The following ADGRE2 variants were observed in gnomAD, a reference collection of about 807,000 sequenced individuals.
ADGRE2 encodes adhesion G protein-coupled receptor E2.
In ADGRE2, 83 loss-of-function variants were observed where a neutral mutation model predicts 100.8. That is an observed-to-expected ratio of 0.82 (90% confidence interval 0.69 to 0.99). The LOEUF (loss-of-function observed/expected upper bound fraction) is 0.99. Ranked by LOEUF, ADGRE2 falls within the 50% of genes least tolerant of loss-of-function variation. ADGRE2 has a pLI of 0.00. For synonymous variants in ADGRE2, 355 were observed against 413.0 expected, an observed-to-expected ratio of 0.86 and a Z score of 1.70; for missense variants, 814 against 1,035.7, an observed-to-expected ratio of 0.79 and a Z score of 2.94.
chr19:14,772,165 C>G (rs1324972299), intron 5 of ADGRE2, 177 bp downstream of exon 5: 5 of 873,706 alleles, frequency 5.7e-6, no homozygotes, highest in Non-Finnish European at 8.7e-6. Context: ...TTCCCTTGGC[C>G]TTCACACCAC....
At chr19:14,766,713 CCTT>C (rs76284928) in intron 6 of ADGRE2, among the ~76,000 whole-genome samples, 6,146 of 152,330 alleles carry the variant, frequency 0.04, 168 homozygotes, top group Middle Eastern at 0.075. Context: ...GGAAGTGACA[CCTT>C]CTTCCACTCG....
downstream of ADGRE2, chr19:14,731,745 T>G (rs1323295579): frequency 6.6e-6 from 1 of 152,418 alleles, no homozygotes; most frequent in Non-Finnish European, 1.5e-5. Context: ...TGTTTATCTT[T>G]GGGTTTCTTA....
intron 2 of ADGRE2, among the ~76,000 whole-genome samples, chr19:14,774,739 T>C (rs1333709411): frequency 6.8e-6 from 1 of 147,800 alleles, no homozygotes; most frequent in African/African-American, 2.5e-5. Flanking sequence ...AATGGTGCGA[T>C]CTCGGCTAAT....
intron 2 of ADGRE2, among the ~76,000 whole-genome samples, chr19:14,775,633 C>A (rs1316239790): frequency 6.6e-6 from 1 of 151,828 alleles, no homozygotes; most frequent in Non-Finnish European, 1.5e-5. Flanking sequence ...CCAAGGTGGG[C>A]AGATCATCTG....
intron 18 of ADGRE2, 54 bp from the exon 19 acceptor site, chr19:14,743,838 G>C (rs10221519): frequency 6.4e-7 from 1 of 1,559,798 alleles, no homozygotes; most frequent in Non-Finnish European, 8.8e-7. Flanking sequence ...GAGAATCAAG[G>C]CTATTTCATC....
Position 14,743,540 on chromosome 19 carries a change from C to A in ADGRE2, c.2353-10G>T. On this transcript the variant is annotated splice_polypyrimidine_tract_variant and intron_variant, in intron 19 of 20. Coordinates refer to ENST00000315576, the MANE Select transcript of ADGRE2 (RefSeq NM_013447.4). ...CATATTGCTCCCGGACCTGCAGAGG[C>A]AAAGTGTGTACTGGGTCAGCTCACA... 2 of 1,613,884 alleles carry A rather than the reference C, an allele frequency of 1.2e-6. No homozygotes were observed.
rs2042728831 is a variant in ADGRE2 at position 14,735,371 on chromosome 19, A to G, written c.*865T>C. On this transcript the variant is annotated 3_prime_UTR_variant, in exon 21 of 21. Coordinates refer to ENST00000315576, the MANE Select transcript of ADGRE2 (RefSeq NM_013447.4). Reference sequence around the variant, plus strand: ...TCCCAAAGTGCTAGGATTACAGGGCATGAACTGTGCCATACCCATCTTCGA... The same window carrying G: ...TCCCAAAGTGCTAGGATTACAGGGCGTGAACTGTGCCATACCCATCTTCGA... 2 of 152,110 alleles carry G rather than the reference A, an allele frequency of 1.3e-5. No individual in the cohort carries two copies. Among genetic ancestry groups the G allele is most frequent in the African/African-American group, 4.8e-5 (2 of 41,404 alleles). 9.4% of individuals were successfully genotyped at this position (152,110 alleles called of 1,614,324 possible). A position where few individuals can be genotyped will look rare whatever the true frequency, so the allele number is the denominator to read the frequency against.
chr19:14,747,096 T>C (rs2043117944), intron 16 of ADGRE2, 134 bp from the exon 17 acceptor site: 5 of 798,466 alleles, frequency 6.3e-6, no homozygotes, highest in Non-Finnish European at 1.0e-5. Context: ...TCTTTAGTGA[T>C]AGGGTCTGTG....
intron 16 of ADGRE2, 71 bp downstream of exon 16, chr19:14,751,365 A>G: frequency 2.6e-6 from 3 of 1,166,766 alleles, no homozygotes; most frequent in Non-Finnish European, 3.8e-6. Context: ...TGTCATAAAA[A>G]TGCTATCTAG....
Position 14,751,466 on chromosome 19 carries a change from G to A in ADGRE2, c.1994C>T (p.Ser665Phe), listed in dbSNP as rs3752187. 0.011 allele frequency: 17,463 copies of A among 1,614,068 alleles called. 245 individuals are homozygous for A. The highest frequency in any genetic ancestry group is 0.065 in the East Asian group (2,898 of 44,886). ...AGGTGTTCCATAAAGGTGAGGCCTGGAGGCTGCAGAAATGGCCACTGTCAC... is the reference window on the plus strand; with the variant it reads ...AGGTGTTCCATAAAGGTGAGGCCTGAAGGCTGCAGAAATGGCCACTGTCAC... ...PAVTVAISAA[S>F]RPHLYGTPSR... is the part of the protein sequence containing the mutation. The change falls in exon 16 of 21, where the codon TCC (serine) becomes TTC (phenylalanine). Residue 665 changes from serine (S) to phenylalanine (F), a missense_variant. By Grantham distance (155) the Ser-to-Phe change is radical. Coordinates refer to ENST00000315576, the MANE Select transcript of ADGRE2 (RefSeq NM_013447.4).
chr19:14,751,144 G>T (rs531479965), intron 16 of ADGRE2, among the ~76,000 whole-genome samples: 1 of 152,286 alleles, frequency 6.6e-6, no homozygotes, highest in South Asian at 2.1e-4. Context: ...CTAGCAGAAA[G>T]ATGCCCTAGG....
intron 16 of ADGRE2, among the ~76,000 whole-genome samples, chr19:14,747,366 G>A (rs1370914700): frequency 6.6e-6 from 1 of 152,052 alleles, no homozygotes; most frequent in Non-Finnish European, 1.5e-5. Context: ...CGGGTGTGGT[G>A]GCTCACACCT....
chr19:14,736,921 A>C (rs940636722), intron 20 of ADGRE2, among the ~76,000 whole-genome samples: 1 of 145,356 alleles, frequency 6.9e-6, no homozygotes, highest in African/African-American at 2.5e-5. Context: ...TTAGAAATAT[A>C]TATATATTTA....
At position 14,764,507 on chromosome 19, in the gene ADGRE2, A is replaced by G. The variant is rs898927787; in HGVS notation, c.1010T>C (p.Leu337Pro). The part of the protein sequence containing the change: ...HCVASHLLDG[L>P]EDVLRGLSKN... ...GCTCAGGCCTCTGAGGACATCCTCT[A>G]GGCCATCCAGCAGGTGACTGGCCAC... Residue 337 changes from leucine (L) to proline (P), a missense_variant, in exon 11 of 21, where the codon CTA becomes CCA. This residue lies in a region of ADGRE2 where 569 missense variants were observed against 692.7 expected (regional missense o/e 0.82). Coordinates refer to ENST00000315576, the MANE Select transcript of ADGRE2 (RefSeq NM_013447.4). The G allele has an allele frequency of 6.2e-7, 1 of 1,613,124 alleles. No individual in the cohort carries two copies. The highest frequency in any genetic ancestry group is 8.5e-7 in the Non-Finnish European group (1 of 1,179,980).
intron 15 of ADGRE2, among the ~76,000 whole-genome samples, chr19:14,751,929 ATAT>A (rs1227145835): frequency 6.7e-4 from 56 of 83,756 alleles, no homozygotes; most frequent in African/African-American, 2.4e-3. Flanking sequence ...ATATATATAT[ATAT>A]TTTTTTTTTT....
chr19:14,766,266 G>T lies in ADGRE2; in HGVS notation c.603C>A (p.Ser201=), dbSNP rs774882867. ...CRPGWQPIPG[S]PNGPNNTVCE... The stretch of plus-strand genomic sequence containing the variant: ...AGACGGTATTGTTTGGGCCATTGGG[G>T]GACCCCGGAATCGGTTGCCAGCCCG... Residue 201 remains serine, a synonymous_variant, in exon 7 of 21, where the codon TCC becomes TCA. Transcript: ENST00000315576. The T allele has an allele frequency of 1.5e-5, 25 of 1,614,084 alleles. No individual in the cohort carries two copies. In the South Asian group the frequency reaches 2.6e-4, roughly 17 times the overall value.
intron 11 of ADGRE2, among the ~76,000 whole-genome samples, chr19:14,762,584 A>G (rs10403398): frequency 0.28 from 43,184 of 151,680 alleles, 6,518 homozygotes; most frequent in South Asian, 0.52. Flanking sequence ...AACTTTCTGA[A>G]TATACTAGAT....
chr19:14,754,730 T>C (rs2043427302), intron 14 of ADGRE2, among the ~76,000 whole-genome samples: 1 of 152,102 alleles, frequency 6.6e-6, no homozygotes, highest in Non-Finnish European at 1.5e-5. Context: ...ACCAGGGAGC[T>C]TGGAGAAGGA....
intron 10 of ADGRE2, 79 bp downstream of exon 10, chr19:14,765,241 C>T: frequency 1.3e-6 from 2 of 1,521,618 alleles, no homozygotes; most frequent in South Asian, 1.1e-5. Flanking sequence ...TGTCCCCTCC[C>T]AGACCCAAAC....
Sources: gnomAD v4.1 joint callset for allele counts (sites outside exome capture counted in the v4.1 genomes callset) on GRCh38, gnomAD v4.1.1 for gene constraint, gnomAD v4.1.1 regional missense constraint, MANE v1.5 for transcripts, NCBI Gene and HGNC (gene_info 2026-07-23, HGNC 2026-07-21) for gene names.